The following USP14 variants were observed in gnomAD, a reference collection of about 807,000 sequenced individuals.
USP14 encodes ubiquitin carboxyl-terminal hydrolase 14.
Under a neutral mutation model 76.5 loss-of-function variants are expected in USP14, and 38 were observed. That is an observed-to-expected ratio of 0.50 (90% CI 0.38 to 0.65). The LOEUF (loss-of-function observed/expected upper bound fraction) is 0.65. Ranked by LOEUF, USP14 falls within the 30% of genes least tolerant of loss-of-function variation. The probability of loss-of-function intolerance (pLI) is 0.00; values close to 1 mark genes in which losing one functional copy is unlikely to be tolerated. For missense variants in USP14, 467 were observed against 586.5 expected (o/e 0.80, Z 2.10); for synonymous variants, 192 against 191.7 (o/e 1.00, Z -0.01).
intron 12 of USP14, 65 bp from the exon 13 acceptor site, chr18:204,499 G>C (rs974675730): frequency 7.7e-7 from 1 of 1,300,438 alleles, no homozygotes; most frequent in Non-Finnish European, 1.0e-6. Context: ...CTTCAGATAT[G>C]TGATACTTTA....
chr18:188,708 C>A (rs151245031), intron 5 of USP14, among the ~76,000 whole-genome samples: 1 of 151,776 alleles, frequency 6.6e-6, no homozygotes, highest in Admixed American at 6.6e-5. Context: ...GACAGAGTCT[C>A]GCTGTGTTGC....
Position 196,603 on chromosome 18 carries a change from G to A in USP14, c.464-34G>A, listed in dbSNP as rs779650528. The A allele has an allele frequency of 2.5e-6, 4 of 1,591,498 alleles. No individual in the cohort carries two copies. The East Asian group carries it at 6.8e-5, about 27-fold the overall frequency. ...AGTCGCGTGTATTAAATATGTGACT[G>A]TTTTACTAAGGCAATGTTTGCTTTG... On this transcript the variant is annotated intron_variant, in intron 6 of 15. Transcript: ENST00000261601.
At chr18:200,619 A>G (rs1450914444) in intron 10 of USP14, among the ~76,000 whole-genome samples, 1 of 152,198 alleles carries the variant, frequency 6.6e-6, no homozygotes, top group Non-Finnish European at 1.5e-5. Context: ...TAATAAGCCC[A>G]TGGATAAAAC....
At chr18:204,465 T>C (rs1910470864) in intron 12 of USP14, 99 bp from the exon 13 acceptor site, 3 of 1,069,554 alleles carry the variant, frequency 2.8e-6, no homozygotes, top group Non-Finnish European at 3.8e-6. Context: ...TATTTTCAAC[T>C]GTATCTGAAT....
In USP14 at chr18:196,698, A is replaced by G. The variant is rs759892412; in HGVS notation, c.525A>G (p.Leu175=). The G allele has an allele frequency of 6.2e-7, 1 of 1,613,892 alleles. No individual in the cohort carries two copies. Among genetic ancestry groups the G allele is most frequent in the Non-Finnish European group, 8.5e-7 (1 of 1,179,970 alleles). Residue 175 remains leucine (L), a synonymous_variant, in exon 7 of 16, where the codon CTA becomes CTG. Coordinates refer to ENST00000261601, the MANE Select transcript of USP14 (RefSeq NM_005151.4). ...KTSSSIPPII[L]LQFLHMAFPQ... ...CTTCCAGTATTCCACCTATTATTCT[A>G]CTGCAGTTTTTGCACATGGCTTTCC...
At chr18:192,336 G>C (rs1053043392) in intron 5 of USP14, among the ~76,000 whole-genome samples, 2 of 152,180 alleles carry the variant, frequency 1.3e-5, no homozygotes, top group African/African-American at 4.8e-5. Context: ...GGCCGATGTG[G>C]GTGGATCACC....
chr18:187,862 CATTTT>C (rs1181937459), intron 5 of USP14, among the ~76,000 whole-genome samples: 6 of 152,004 alleles, frequency 3.9e-5, no homozygotes, highest in Non-Finnish European at 7.4e-5. Flanking sequence ...CCTGAAAACA[CATTTT>C]AGTTATGATG....
At position 213,367 on chromosome 18, in the gene USP14, G is replaced by GATT. The variant is rs1910730872; in HGVS notation, c.*2084_*2086dup. On this transcript the variant is annotated 3_prime_UTR_variant, in exon 16 of 16. Coordinates refer to ENST00000261601, the MANE Select transcript of USP14 (RefSeq NM_005151.4). ...TCCTTATCATCATTATAAAAAGCTT[G>GATT]ATTTTTTTATTTGATCTAAAAAAGC... The GATT allele has an allele frequency of 6.6e-6, 1 of 151,982 alleles. No individual in the cohort carries two copies. The highest frequency in any genetic ancestry group is 1.5e-5 in the Non-Finnish European group (1 of 67,992). The allele number at this position is 151,982 out of a possible 1,614,324, so 9.4% of individuals were successfully genotyped here.
intron 2 of USP14, among the ~76,000 whole-genome samples, chr18:164,643 G>C (rs541476153): frequency 6.6e-6 from 1 of 151,884 alleles, no homozygotes. Flanking sequence ...TAGTAGAGAT[G>C]GGGTTTCACC....
intron 6 of USP14, 70 bp from the exon 7 acceptor site, chr18:196,567 A>T: frequency 2.7e-6 from 4 of 1,504,856 alleles, no homozygotes; most frequent in Non-Finnish European, 3.6e-6. Context: ...TATTAATTAA[A>T]ATTAATTTAC....
rs1365393223 is a variant in USP14, at chr18:213,986, G to GATAGATAGATAGATAGAT, written c.*2716_*2717insAGATATAGATAGATAGAT. ...ACAAGATAGATAGATTAGATAGATA[G>GATAGATAGATAGATAGAT]ATAGATAGATAGATGATGATTGATT... On this transcript the variant is annotated 3_prime_UTR_variant, in exon 16 of 16. Coordinates refer to ENST00000261601, the MANE Select transcript of USP14 (RefSeq NM_005151.4). 1 of 150,760 alleles carries GATAGATAGATAGATAGAT rather than the reference G, an allele frequency of 6.6e-6. No individual in the cohort carries two copies. The highest frequency in any genetic ancestry group is 1.5e-5 in the Non-Finnish European group (1 of 67,664). The allele number at this position is 150,760 out of a possible 1,614,324, so 9.3% of individuals were successfully genotyped here. A position where few individuals can be genotyped will look rare whatever the true frequency, so the allele number is the denominator to read the frequency against.
chr18:187,305 C>T (rs750277596), intron 5 of USP14, among the ~76,000 whole-genome samples: 9 of 152,054 alleles, frequency 5.9e-5, no homozygotes, highest in Admixed American at 6.6e-5. Flanking sequence ...GTCTGATTTT[C>T]GATATGTGTT....
intron 7 of USP14, among the ~76,000 whole-genome samples, chr18:197,167 G>C (rs1216178327): frequency 6.6e-6 from 1 of 152,046 alleles, no homozygotes; most frequent in African/African-American, 2.4e-5. Context: ...CTTCCTGCAG[G>C]GCCTTTGCTC....
intron 3 of USP14, among the ~76,000 whole-genome samples, chr18:172,430 C>T (rs992967030): frequency 5.3e-5 from 8 of 152,146 alleles, no homozygotes; most frequent in African/African-American, 1.9e-4. Context: ...TAAAATATTA[C>T]GTAGGCTTAC....
intron 3 of USP14, among the ~76,000 whole-genome samples, chr18:175,725 G>A (rs922315401): frequency 1.3e-5 from 2 of 152,018 alleles, no homozygotes; most frequent in African/African-American, 4.8e-5. Context: ...TATACAGTGA[G>A]TTAGGAAGCA....
chr18:162,630 T>C (rs1383426322), intron 1 of USP14, among the ~76,000 whole-genome samples: 1 of 152,168 alleles, frequency 6.6e-6, no homozygotes, highest in East Asian at 1.9e-4. Context: ...TCCAATGCTG[T>C]GTGCTGATGT....
At chr18:176,572 A>G (rs1226736186) in intron 3 of USP14, among the ~76,000 whole-genome samples, 1 of 151,598 alleles carries the variant, frequency 6.6e-6, no homozygotes, top group Non-Finnish European at 1.5e-5. Flanking sequence ...TTTCTTATAG[A>G]TTTGCTTTTT....
At chr18:178,808 A>G in intron 3 of USP14, 125 bp from the exon 4 acceptor site, 1 of 629,802 alleles carries the variant, frequency 1.6e-6, no homozygotes, top group Non-Finnish European at 2.7e-6. Context: ...TACTTTCTGC[A>G]GATTTACTTT....
chr18:190,807 C>T (rs995565710), intron 5 of USP14, among the ~76,000 whole-genome samples: 3 of 152,044 alleles, frequency 2.0e-5, no homozygotes, highest in Admixed American at 6.5e-5. Context: ...CTCAGTATTT[C>T]TGTCAGTTTC....
Sources: gnomAD v4.1 joint callset for allele counts (sites outside exome capture counted in the v4.1 genomes callset) on GRCh38, gnomAD v4.1.1 for gene constraint, MANE v1.5 for transcripts, NCBI Gene and HGNC (gene_info 2026-07-23, HGNC 2026-07-21) for gene names.